Variants in SGCZ observed in about 807,000 individuals in gnomAD.
The protein encoded by SGCZ is sarcoglycan zeta.
Under a neutral mutation model 41.3 loss-of-function variants are expected in SGCZ, and 40 were observed. The observed-to-expected ratio is 0.97, with a 90% CI of 0.75 to 1.26. SGCZ has a LOEUF of 1.26. SGCZ is among the 50% of genes most tolerant of loss of function. The pLI is 0.00. For synonymous variants in SGCZ, 206 were observed against 137.5 expected (o/e 1.50, Z -3.49); for missense variants, 552 against 369.8 (o/e 1.49, Z -4.04).
At chr8:14,360,133 G>A (rs1229022641) in intron 2 of SGCZ, among the ~76,000 whole-genome samples, 1 of 152,076 alleles carries the variant, frequency 6.6e-6, no homozygotes, top group Non-Finnish European at 1.5e-5. Flanking sequence ...AAAGCCACGT[G>A]CAACAGACTG....
chr8:14,675,955 G>A (rs1281366278), intron 1 of SGCZ, among the ~76,000 whole-genome samples: 1 of 152,086 alleles, frequency 6.6e-6, no homozygotes, highest in African/African-American at 2.4e-5. Flanking sequence ...GCAGATAGAT[G>A]GAAGGTAAAC....
chr8:14,609,573 G>C (rs146096424), intron 1 of SGCZ, among the ~76,000 whole-genome samples: 3 of 152,266 alleles, frequency 2.0e-5, no homozygotes, highest in African/African-American at 7.2e-5. Context: ...ATGAGGTTCA[G>C]ACACATGATA....
At chr8:14,613,452 C>A (rs563597766) in intron 1 of SGCZ, among the ~76,000 whole-genome samples, 43 of 152,100 alleles carry the variant, frequency 2.8e-4, no homozygotes, top group African/African-American at 1.0e-3. Context: ...TCTTTTGGGA[C>A]CATGAAATTC....
At chr8:14,960,536 A>G (rs1439684840) in intron 1 of SGCZ, among the ~76,000 whole-genome samples, 1 of 152,120 alleles carries the variant, frequency 6.6e-6, no homozygotes, top group Non-Finnish European at 1.5e-5. Context: ...CATAATCTTC[A>G]TTTTCTTAAT....
chr8:14,980,966 C>T (rs952048140), intron 1 of SGCZ, among the ~76,000 whole-genome samples: 3 of 152,194 alleles, frequency 2.0e-5, no homozygotes, highest in Admixed American at 6.5e-5. Context: ...TACTGGACAT[C>T]CAGATGCACA....
intron 3 of SGCZ, among the ~76,000 whole-genome samples, chr8:14,284,104 T>C (rs7003857): frequency 0.51 from 78,002 of 152,128 alleles, 20,490 homozygotes; most frequent in African/African-American, 0.57. Flanking sequence ...CTAAAGTAGA[T>C]TCATCTGCTG....
intron 3 of SGCZ, among the ~76,000 whole-genome samples, chr8:14,252,883 C>T (rs562467485): frequency 9.2e-5 from 14 of 152,322 alleles, no homozygotes; most frequent in Admixed American, 6.5e-4. Context: ...CTTCACCATA[C>T]TGGCTTTCCA....
At chr8:14,377,842 C>T (rs572824732) in intron 2 of SGCZ, among the ~76,000 whole-genome samples, 21 of 151,920 alleles carry the variant, frequency 1.4e-4, no homozygotes, top group African/African-American at 4.4e-4. Flanking sequence ...ATCCATGTCC[C>T]TACAAAGGAC....
intron 1 of SGCZ, among the ~76,000 whole-genome samples, chr8:14,745,604 C>T (rs946856790): frequency 1.3e-5 from 2 of 151,920 alleles, no homozygotes; most frequent in Non-Finnish European, 1.5e-5. Context: ...TATATGTAGA[C>T]ATATGTGTGC....
intron 2 of SGCZ, among the ~76,000 whole-genome samples, chr8:14,463,136 A>G (rs1800949867): frequency 6.6e-6 from 1 of 151,652 alleles, no homozygotes; most frequent in African/African-American, 2.4e-5. Context: ...CAAAAAGATA[A>G]TTTTGTTTCT....
At chr8:14,302,859 A>C (rs75615704) in intron 3 of SGCZ, among the ~76,000 whole-genome samples, 1 of 152,232 alleles carries the variant, frequency 6.6e-6, no homozygotes, top group Admixed American at 6.5e-5. Flanking sequence ...TTAAATGCTC[A>C]AAAGAGGGCT....
Position 15,237,655 on chromosome 8 carries a change from G to A in SGCZ, c.-32C>T, listed in dbSNP as rs767593799. 2.9e-5 allele frequency: 45 copies of A among 1,570,584 alleles called. No homozygotes were observed. In the South Asian group the frequency reaches 4.2e-4, roughly 15 times the overall value. ...CAACTAAACGAAGTGGAGAGGAACCGGGCGAGTGGCACCCAAAAACAATCT... is the reference window on the plus strand; with the variant it reads ...CAACTAAACGAAGTGGAGAGGAACCAGGCGAGTGGCACCCAAAAACAATCT... On this transcript the variant is annotated 5_prime_UTR_variant, in exon 1 of 8. Coordinates refer to ENST00000382080, the MANE Select transcript of SGCZ (RefSeq NM_139167.4).
At position 15,144,942 on chromosome 8, in the gene SGCZ, T is replaced by C. The variant is rs1047929817; in HGVS notation, c.39+92643A>G. Among the ~76,000 whole-genome samples the C allele has an allele frequency of 3.9e-5, 6 of 152,340 alleles. No homozygotes were observed. In the South Asian group the frequency reaches 6.2e-4, roughly 16 times the overall value. On this transcript the variant is annotated intron_variant, in intron 1 of 7. Coordinates refer to ENST00000382080, the MANE Select transcript of SGCZ (RefSeq NM_139167.4). ...CTGCTTTTATTCTCTTCAGTCACTA[T>C]GTGATTTCACAAAACAAGAGAAACC...
In SGCZ at chr8:15,041,852, C is replaced by A. The variant is rs146569379; in HGVS notation, c.39+195733G>T. Among the ~76,000 whole-genome samples, 136 of 152,184 alleles carry A rather than the reference C, an allele frequency of 8.9e-4. 1 individual carries two copies. The highest frequency in any genetic ancestry group is 3.2e-3 in the African/African-American group (132 of 41,552). ...CATATTAACTTACTACGCCAAAAGA[C>A]AAAAGCATTAGTCAATCTATTATAT... On this transcript the variant is annotated intron_variant, in intron 1 of 7. Coordinates refer to ENST00000382080, the MANE Select transcript of SGCZ (RefSeq NM_139167.4).
chr8:15,000,680 T>A (rs1451252991), intron 1 of SGCZ, among the ~76,000 whole-genome samples: 1 of 152,022 alleles, frequency 6.6e-6, no homozygotes, highest in Non-Finnish European at 1.5e-5. Flanking sequence ...CATAATAAGA[T>A]TAAGTTGGGG....
intron 2 of SGCZ, among the ~76,000 whole-genome samples, chr8:14,352,271 A>G (rs7817614): frequency 0.027 from 4,129 of 152,138 alleles, 158 homozygotes; most frequent in African/African-American, 0.093. Context: ...CTACTGAGTG[A>G]GGAAGGTGCA....
At chr8:15,094,462 T>G (rs145308297) in intron 1 of SGCZ, among the ~76,000 whole-genome samples, 112 of 152,292 alleles carry the variant, frequency 7.4e-4, no homozygotes, top group African/African-American at 2.7e-3. Context: ...GATTGGATAG[T>G]GTCTGAGGAC....
At chr8:14,527,285 G>A (rs566719863) in intron 2 of SGCZ, among the ~76,000 whole-genome samples, 1 of 152,182 alleles carries the variant, frequency 6.6e-6, no homozygotes, top group Middle Eastern at 3.4e-3. Context: ...TTCCTGTTGG[G>A]AGCATTTTGT....
chr8:15,093,949 A>G (rs1370546137), intron 1 of SGCZ, among the ~76,000 whole-genome samples: 1 of 152,164 alleles, frequency 6.6e-6, no homozygotes, highest in African/African-American at 2.4e-5. Flanking sequence ...GGGATATAGC[A>G]GTGTGTACAA....
Sources: allele counts gnomAD v4.1 joint callset (sites outside exome capture counted in the v4.1 genomes callset), GRCh38; gene constraint gnomAD v4.1.1; transcripts MANE v1.5; gene names NCBI Gene and HGNC (gene_info 2026-07-23, HGNC 2026-07-21).